Variants in GPS2 observed in about 807,000 individuals in gnomAD.
GPS2 encodes GPS-2.
In GPS2, 22 loss-of-function variants were observed where a neutral mutation model predicts 48.1. The ratio of observed to expected loss-of-function variants is 0.46; its 90% confidence interval spans 0.33 to 0.65. GPS2 has a LOEUF of 0.65. Among genes scored for constraint, GPS2 ranks in the 30% least tolerant of loss-of-function variants. The probability of loss-of-function intolerance (pLI) is 0.03; values close to 1 mark genes in which losing one functional copy is unlikely to be tolerated. For missense variants in GPS2, 366 were observed against 406.8 expected, an observed-to-expected ratio of 0.90 and a Z score of 0.86; for synonymous variants, 202 against 142.5, an observed-to-expected ratio of 1.42 and a Z score of -2.98.
chr17:7,313,707 C>G lies in GPS2; in HGVS notation c.495G>C (p.Val165=). The change falls in exon 7 of 11, where the codon GTG becomes GTC. Residue 165 remains valine (V), a synonymous_variant. Coordinates refer to ENST00000380728, the MANE Select transcript of GPS2 (RefSeq NM_004489.5). The part of the protein sequence containing the change: ...GPQVLTTRHY[V]GSAAAFAGTP... ...TCCCTGCAAAAGCAGCTGCTGAGCC[C>G]ACGTAGTGCCGGGTCTAAGGAAGGA... 1 of 1,613,988 alleles carries G rather than the reference C, an allele frequency of 6.2e-7. No individual in the cohort carries two copies. Among genetic ancestry groups the G allele is most frequent in the South Asian group, 1.1e-5 (1 of 91,058 alleles).
chr17:7,314,833 C>T (rs983890608), intron 2 of GPS2, 126 bp downstream of exon 2: 4 of 1,304,610 alleles, frequency 3.1e-6, no homozygotes, highest in African/African-American at 2.9e-5. Context: ...CCCACCACAA[C>T]GGGGCTATTC....
chr17:7,314,040 A>T, intron 5 of GPS2, 40 bp downstream of exon 5: 1 of 1,609,582 alleles, frequency 6.2e-7, no homozygotes, highest in South Asian at 1.1e-5. Flanking sequence ...TGTGACCTCC[A>T]AGAAGGCCGG....
intron 4 of GPS2, 36 bp from the exon 5 acceptor site, chr17:7,314,195 A>G: frequency 6.3e-7 from 1 of 1,594,996 alleles, no homozygotes; most frequent in Non-Finnish European, 8.6e-7. Flanking sequence ...AGTCAAGGAC[A>G]GATGCCTTCT....
At chr17:7,313,507 C>T in intron 7 of GPS2, 38 bp from the exon 8 acceptor site, 1 of 1,613,406 alleles carries the variant, frequency 6.2e-7, no homozygotes, top group Non-Finnish European at 8.5e-7. Flanking sequence ...AAATCTTTTA[C>T]TGAATGGCAT....
At position 7,312,854 on chromosome 17, in the gene GPS2, G is replaced by T. The variant is rs915472070; in HGVS notation, c.901-15C>A. ...GCAAAGCCCGACTGGTGGTGGTGAT[G>T]AAAAGAGGGCTTTGTCACTGGGCAT... On this transcript the variant is annotated splice_polypyrimidine_tract_variant and intron_variant, in intron 10 of 10. Coordinates refer to ENST00000380728, the MANE Select transcript of GPS2 (RefSeq NM_004489.5). 1.2e-6 allele frequency: 2 copies of T among 1,609,864 alleles called. No individual in the cohort carries two copies. The highest frequency in any genetic ancestry group is 1.6e-4 in the Middle Eastern group (1 of 6,076).
In GPS2 at chr17:7,313,897, T is replaced by G. The variant is rs1267149482; in HGVS notation, c.480+9A>C. 1.2e-6 allele frequency: 2 copies of G among 1,612,542 alleles called. No homozygotes were observed. Among genetic ancestry groups the G allele is most frequent in the East Asian group, 4.5e-5 (2 of 44,880 alleles). On this transcript the variant is annotated intron_variant, in intron 6 of 10. Transcript: ENST00000380728. ...GTACTAGGGGCTAGGCATCCAATCC[T>G]ACTCTCACCGTAAGCACTTGGGGTC... is the stretch of plus-strand genomic sequence containing the variant.
chr17:7,312,941 T>C, intron 10 of GPS2, 88 bp downstream of exon 10: 4 of 1,464,706 alleles, frequency 2.7e-6, no homozygotes, highest in Non-Finnish European at 3.8e-6. Context: ...AAAAACCAGA[T>C]GATGTGGGCC....
Position 7,312,815 on chromosome 17 carries a change from G to C in GPS2, c.925C>G (p.Pro309Ala). The C allele has an allele frequency of 6.2e-7, 1 of 1,614,082 alleles. No individual in the cohort carries two copies. The highest frequency in any genetic ancestry group is 1.1e-5 in the South Asian group (1 of 91,086). The change falls in exon 11 of 11, where the codon CCT becomes GCT. Residue 309 changes from proline to alanine, a missense_variant. Physicochemically the swap from Pro to Ala is conservative, Grantham distance 27 (BLOSUM62 -1). Coordinates refer to ENST00000380728, the MANE Select transcript of GPS2 (RefSeq NM_004489.5). ...TGGATGAAGGGGAGCCGAGGGCCAG[G>C]TTGGCTGGTAGCTGCAAAGCCCGAC... ...GKSGFAATSQ[P>A]GPRLPFIQHS...
rs2072875287 is a variant in GPS2 at position 7,312,738 on chromosome 17, G to C, written c.*18C>G. ...ACGATGGGGTGGGGGGTGTGGTGTTGAAGATATAATCTGATGGTCACTTGT... is the reference window on the plus strand; with the variant it reads ...ACGATGGGGTGGGGGGTGTGGTGTTCAAGATATAATCTGATGGTCACTTGT... On this transcript the variant is annotated 3_prime_UTR_variant, in exon 11 of 11. Coordinates refer to ENST00000380728, the MANE Select transcript of GPS2 (RefSeq NM_004489.5). 1 of 1,598,684 alleles carries C rather than the reference G, an allele frequency of 6.3e-7. No individual in the cohort carries two copies. Among genetic ancestry groups the C allele is most frequent in the East Asian group, 2.2e-5 (1 of 44,800 alleles).
In GPS2 at chr17:7,313,783, T is replaced by A. The variant is rs938177156; in HGVS notation, c.481-62A>T. 1.9e-6 allele frequency: 3 copies of A among 1,593,172 alleles called. No individual in the cohort carries two copies. In the African/African-American group the frequency reaches 4.0e-5, roughly 21 times the overall value. ...TTGAAAGCTGAAACCCAGTGACTTG[T>A]GTGTATCTGTATGCCCCGTTTCCCC... On this transcript the variant is annotated intron_variant, in intron 6 of 10. Transcript: ENST00000380728.
intron 10 of GPS2, 68 bp from the exon 11 acceptor site, chr17:7,312,907 G>A: frequency 6.6e-7 from 1 of 1,507,320 alleles, no homozygotes; most frequent in South Asian, 1.1e-5. Context: ...ATACCCTACT[G>A]ATAACCACCC....
rs764710703 is a variant in GPS2, at chr17:7,314,626, G to A, written c.95-29C>T. 2.5e-6 allele frequency: 4 copies of A among 1,613,526 alleles called. No individual in the cohort carries two copies. In the South Asian group the frequency reaches 3.3e-5, roughly 13 times the overall value. On this transcript the variant is annotated intron_variant, in intron 2 of 10. Coordinates refer to ENST00000380728, the MANE Select transcript of GPS2 (RefSeq NM_004489.5). ...GAGAATCAGGCAGAATGAAGAAGAG[G>A]CAGGGTAGTGAAAACAATTCCAACG... is the stretch of plus-strand genomic sequence containing the variant.
intron 2 of GPS2, 105 bp from the exon 3 acceptor site, chr17:7,314,702 T>G: frequency 6.3e-7 from 1 of 1,582,370 alleles, no homozygotes; most frequent in Non-Finnish European, 8.6e-7. Flanking sequence ...GCCTGTATGC[T>G]CTTTGCCTCG....
At chr17:7,314,731 C>G in intron 2 of GPS2, 134 bp from the exon 3 acceptor site, 1 of 1,524,316 alleles carries the variant, frequency 6.6e-7, no homozygotes, top group Non-Finnish European at 8.9e-7. Context: ...AGCTCCCCAT[C>G]GCGGCAATAG....
Position 7,313,116 on chromosome 17 carries a change from C to T in GPS2, c.813G>A (p.Leu271=). Residue 271 remains leucine (L), a synonymous_variant, in exon 10 of 11, where the codon CTG becomes CTA. Transcript: ENST00000380728. ...QQTGFSDSSS[L]RPMHPQALHP... Reference sequence around the variant, plus strand: ...GCAGAGCCTGGGGGTGCATGGGGCGCAGAGAGGACTGCAGAGAACAGAGTC... The same window carrying T: ...GCAGAGCCTGGGGGTGCATGGGGCGTAGAGAGGACTGCAGAGAACAGAGTC... The T allele has an allele frequency of 1.9e-6, 3 of 1,597,230 alleles. No homozygotes were observed. Among genetic ancestry groups the T allele is most frequent in the Non-Finnish European group, 2.6e-6 (3 of 1,168,578 alleles).
intron 2 of GPS2, 154 bp downstream of exon 2, chr17:7,314,804 TG>T: frequency 1.6e-6 from 2 of 1,276,558 alleles, no homozygotes; most frequent in East Asian, 2.3e-5. Flanking sequence ...TTCTGGAGCG[TG>T]GAACAGGACG....
intron 4 of GPS2, 57 bp from the exon 5 acceptor site, chr17:7,314,216 T>C: frequency 6.3e-7 from 1 of 1,594,226 alleles, no homozygotes; most frequent in Non-Finnish European, 8.6e-7. Context: ...CTTTTGCCAT[T>C]AAACACTGGT....
chr17:7,312,867 T>C, intron 10 of GPS2, 28 bp from the exon 11 acceptor site: 1 of 1,597,546 alleles, frequency 6.3e-7, no homozygotes, highest in Non-Finnish European at 8.6e-7. Flanking sequence ...AAGAGGGCTT[T>C]GTCACTGGGC....
Position 7,314,305 on chromosome 17 carries a change from C to T in GPS2, c.303G>A (p.Arg101=), listed in dbSNP as rs766822954. Residue 101 remains arginine, a synonymous_variant, in exon 4 of 11, where the codon AGG becomes AGA. Transcript: ENST00000380728. ...KKVLHEEEKR[R]RKEQSDLTTL... is the part of the protein sequence containing the mutation. ...TCTGATCCCACCTCTGTTCCTTTCG[C>T]CTCCGTTTTTCTTCCTCATGTAAAA... 1.9e-6 allele frequency: 3 copies of T among 1,614,142 alleles called. No homozygotes were observed. The highest frequency in any genetic ancestry group is 1.1e-5 in the South Asian group (1 of 91,080).
Sources: gnomAD v4.1 joint callset for allele counts on GRCh38, gnomAD v4.1.1 for gene constraint, MANE v1.5 for transcripts, NCBI Gene and HGNC (gene_info 2026-07-23, HGNC 2026-07-21) for gene names.